Variants in PTBP3 observed in about 807,000 individuals in gnomAD.
PTBP3 encodes the protein polypyrimidine tract-binding protein 3.
A neutral mutation model predicts 58.7 loss-of-function variants in PTBP3; 20 were observed. That is an observed-to-expected ratio of 0.34 (90% CI 0.24 to 0.50). The LOEUF is 0.50. Among genes scored for constraint, PTBP3 ranks in the 20% least tolerant of loss-of-function variants. PTBP3 has a pLI of 0.98. For synonymous variants in PTBP3, 185 were observed against 219.8 expected (o/e 0.84, Z 1.40); for missense variants, 509 against 637.2 (o/e 0.80, Z 2.17).
At chr9:112,318,948 A>G (rs1398702264) in intron 1 of PTBP3, among the ~76,000 whole-genome samples, 1 of 151,852 alleles carries the variant, frequency 6.6e-6, no homozygotes, top group Admixed American at 6.6e-5. Flanking sequence ...ACCAACATGG[A>G]GAAATTCCGT....
rs142972511 is a variant in PTBP3 at position 112,317,926 on chromosome 9, G to A, written c.-52+15544C>T. ...CCACTGCACTCCAGCCTGGGTGACA[G>A]AGCTAGACTCAAAAACAACAAAAAA... On this transcript the variant is annotated intron_variant, in intron 1 of 13. Transcript: ENST00000374257. Among the ~76,000 whole-genome samples, 149 of 152,290 alleles carry A rather than the reference G, an allele frequency of 9.8e-4. 2 individuals are homozygous for A. Among genetic ancestry groups the A allele is most frequent in the African/African-American group, 3.4e-3 (143 of 41,554 alleles).
chr9:112,311,625 C>A (rs568028570), intron 1 of PTBP3, among the ~76,000 whole-genome samples: 2 of 152,214 alleles, frequency 1.3e-5, no homozygotes, highest in East Asian at 1.9e-4. Context: ...TTTGGCCCCC[C>A]CTAGATACTG....
intron 1 of PTBP3, chr9:112,333,080 C>A: frequency 7.9e-7 from 1 of 1,270,932 alleles, no homozygotes; most frequent in Non-Finnish European, 9.9e-7. Flanking sequence ...CGCGCCGCCT[C>A]CGCCTCCCCC....
chr9:112,291,704 G>GA (rs764253280), intron 2 of PTBP3, among the ~76,000 whole-genome samples: 4 of 151,750 alleles, frequency 2.6e-5, no homozygotes, highest in African/African-American at 7.3e-5. Context: ...TACACCACAT[G>GA]AAAAAAAATT....
chr9:112,263,624 A>C (rs1246267129), intron 4 of PTBP3, among the ~76,000 whole-genome samples: 10 of 152,248 alleles, frequency 6.6e-5, no homozygotes, highest in Non-Finnish European at 1.0e-4. Context: ...CTAAAAAGAC[A>C]TTACAATTAA....
Position 112,297,916 on chromosome 9 carries a change from G to A in PTBP3, c.-51C>T, listed in dbSNP as rs147243978. On this transcript the variant is annotated splice_region_variant and 5_prime_UTR_variant, in exon 2 of 14. Transcript: ENST00000374257. The stretch of plus-strand genomic sequence containing the variant: ...GAAGAAAGAAGCTCATCAGATCCCC[G>A]CTGAAAAGCAAAACCAATGTTTGGT... 8.0e-5 allele frequency: 129 copies of A among 1,607,424 alleles called. No individual in the cohort carries two copies. The highest frequency in any genetic ancestry group is 3.1e-4 in the South Asian group (28 of 89,604).
chr9:112,251,844 A>T (rs568684291), intron 6 of PTBP3, among the ~76,000 whole-genome samples: 1 of 152,182 alleles, frequency 6.6e-6, no homozygotes, highest in African/African-American at 2.4e-5. Context: ...ATTGACAAGT[A>T]TGCCATCGTA....
At position 112,333,597 on chromosome 9, in the gene PTBP3, C is replaced by T. The variant is rs1403325196; in HGVS notation, c.-179G>A. Reference sequence around the variant, plus strand: ...GAGCTTTGGCTCTGCGGAGCCCCGGCCGGTCCGAGGTGGAAGGAGAGTGGG... The same window carrying T: ...GAGCTTTGGCTCTGCGGAGCCCCGGTCGGTCCGAGGTGGAAGGAGAGTGGG... On this transcript the variant is annotated 5_prime_UTR_variant, in exon 1 of 14. Coordinates refer to ENST00000374257, the MANE Select transcript of PTBP3 (RefSeq NM_001163788.4). The T allele has an allele frequency of 3.9e-6, 5 of 1,283,528 alleles. No individual in the cohort carries two copies. The highest frequency in any genetic ancestry group is 2.0e-5 in the Admixed American group (1 of 51,114). The allele number at this position is 1,283,528 out of a possible 1,614,324, so 79.5% of individuals were successfully genotyped here.
At chr9:112,307,716 C>T (rs1013655681) in intron 1 of PTBP3, among the ~76,000 whole-genome samples, 2 of 152,140 alleles carry the variant, frequency 1.3e-5, no homozygotes, top group Non-Finnish European at 2.9e-5. Flanking sequence ...AACTCACTTT[C>T]AAATTACAGA....
upstream of PTBP3, among the ~76,000 whole-genome samples, chr9:112,333,981 G>C (rs983386676): frequency 6.8e-5 from 10 of 147,770 alleles, no homozygotes; most frequent in African/African-American, 9.8e-5. Context: ...TTCGCAGACC[G>C]GGCCTGCCAG....
the PTBP3 span, among the ~76,000 whole-genome samples, chr9:112,347,341 C>T: frequency 7.6e-6 from 1 of 130,898 alleles, no homozygotes; most frequent in East Asian, 2.2e-4. Context: ...ACTGGGATAC[C>T]TTTTTTTTTT....
chr9:112,296,629 T>C (rs1266737498), intron 2 of PTBP3, among the ~76,000 whole-genome samples: 3 of 152,196 alleles, frequency 2.0e-5, no homozygotes, highest in Admixed American at 2.0e-4. Flanking sequence ...CAACTGTGTA[T>C]GATACTATCA....
Position 112,270,397 on chromosome 9 carries a change from C to T in PTBP3, c.205-2202G>A, listed in dbSNP as rs534388628. Among the ~76,000 whole-genome samples the T allele has an allele frequency of 3.3e-5, 5 of 152,304 alleles. No individual in the cohort carries two copies. In the South Asian group the frequency reaches 1.0e-3, roughly 32 times the overall value. On this transcript the variant is annotated intron_variant, in intron 3 of 13. Transcript: ENST00000374257. ...ACATGGTATCTACATCTTCATGTCA[C>T]ATTTACTTGTATGTATGGAATCACA...
chr9:112,222,852 T>G lies in PTBP3; in HGVS notation c.*999A>C, dbSNP rs145517743. The G allele has an allele frequency of 2.9e-5, 26 of 893,736 alleles. 1 individual carries two copies. The East Asian group carries it at 3.0e-3, about 103-fold the overall frequency. 55.4% of individuals were successfully genotyped at this position (893,736 alleles called of 1,614,324 possible). ...GTAATTCTGAGTAAGTATTAGAGAT[T>G]ATAGTGGTACAAAAAACCCTTGAGA... is the stretch of plus-strand genomic sequence containing the variant. On this transcript the variant is annotated 3_prime_UTR_variant, in exon 14 of 14. Transcript: ENST00000374257.
intron 12 of PTBP3, among the ~76,000 whole-genome samples, chr9:112,225,452 T>C (rs1834946312): frequency 6.6e-6 from 1 of 152,230 alleles, no homozygotes; most frequent in East Asian, 1.9e-4. Flanking sequence ...GAGTTTCAGT[T>C]TGGGATGATG....
At position 112,219,619 on chromosome 9, in the gene PTBP3, G is replaced by A. The variant is rs1377032225; in HGVS notation, c.*4232C>T. 1 of 152,640 alleles carries A rather than the reference G, an allele frequency of 6.6e-6. No homozygotes were observed. Among genetic ancestry groups the A allele is most frequent in the African/African-American group, 2.4e-5 (1 of 41,450 alleles). The allele number at this position is 152,640 out of a possible 1,614,324, so 9.5% of individuals were successfully genotyped here. A position where few individuals can be genotyped will look rare whatever the true frequency, so the allele number is the denominator to read the frequency against. On this transcript the variant is annotated 3_prime_UTR_variant, in exon 14 of 14. Transcript: ENST00000374257. Reference sequence around the variant, plus strand: ...AATATTATGTGATAAAGGCAAAAGTGTAACTGAGACTTTATTTATAGTTAC... The same window carrying A: ...AATATTATGTGATAAAGGCAAAAGTATAACTGAGACTTTATTTATAGTTAC...
Position 112,223,734 on chromosome 9 carries a change from T to A in PTBP3, c.*117A>T, listed in dbSNP as rs1177307734. On this transcript the variant is annotated 3_prime_UTR_variant, in exon 14 of 14. Transcript: ENST00000374257. Reference sequence around the variant, plus strand: ...TTGATTTTTAAAATATACTTGAATATCAAACTCAGAGTTATTTTTGTGAAA... The same window carrying A: ...TTGATTTTTAAAATATACTTGAATAACAAACTCAGAGTTATTTTTGTGAAA... 1.5e-6 allele frequency: 2 copies of A among 1,316,994 alleles called. No homozygotes were observed. The highest frequency in any genetic ancestry group is 1.7e-5 in the South Asian group (1 of 58,260). The allele number at this position is 1,316,994 out of a possible 1,614,324, so 81.6% of individuals were successfully genotyped here. A position where few individuals can be genotyped will look rare whatever the true frequency, so the allele number is the denominator to read the frequency against.
chr9:112,234,800 A>C lies in PTBP3; in HGVS notation c.880+20T>G. ...ACAACTTCATTAAAAGTCATTTCAA[A>C]TCCAACTTAAAAGAATCACCTGTAG... On this transcript the variant is annotated intron_variant, in intron 8 of 13. Transcript: ENST00000374257. 1 of 1,590,940 alleles carries C rather than the reference A, an allele frequency of 6.3e-7. No homozygotes were observed. The highest frequency in any genetic ancestry group is 8.6e-7 in the Non-Finnish European group (1 of 1,159,718).
chr9:112,375,343 A>C, the PTBP3 span, among the ~76,000 whole-genome samples: 1 of 152,222 alleles, frequency 6.6e-6, no homozygotes, highest in Non-Finnish European at 1.5e-5. Context: ...ACATCTGGCC[A>C]TTTCTCCTTC....
Sources: gnomAD v4.1 joint callset for allele counts (sites outside exome capture counted in the v4.1 genomes callset) on GRCh38, gnomAD v4.1.1 for gene constraint, MANE v1.5 for transcripts, NCBI Gene and HGNC (gene_info 2026-07-23, HGNC 2026-07-21) for gene names.